The following KCNK2 variants were observed in gnomAD, a reference collection of about 807,000 sequenced individuals.
KCNK2 encodes potassium two pore domain channel subfamily K member 2.
A neutral mutation model predicts 40.5 loss-of-function variants in KCNK2; 21 were observed. The observed-to-expected ratio is 0.52, with a 90% CI of 0.37 to 0.75. KCNK2 has a LOEUF of 0.75. KCNK2 is among the 30% of genes least tolerant of loss of function. The probability of loss-of-function intolerance (pLI) is 0.00; values close to 1 mark genes in which losing one functional copy is unlikely to be tolerated. For synonymous variants in KCNK2, 191 were observed against 202.2 expected (o/e 0.94, Z 0.47); for missense variants, 399 against 531.6 (o/e 0.75, Z 2.45).
In KCNK2 at chr1:215,028,248, G is replaced by A. The variant is rs564949572; in HGVS notation, c.34+22293G>A. Among the ~76,000 whole-genome samples the A allele has an allele frequency of 1.1e-4, 17 of 152,128 alleles. No homozygotes were observed. The East Asian group carries it at 3.3e-3, about 30-fold the overall frequency. ...CTAAAAATACAAAAATCAGCCGAGCGTGGTGGCGGGTCTGTAATCCCAGTT... is the reference window on the plus strand; with the variant it reads ...CTAAAAATACAAAAATCAGCCGAGCATGGTGGCGGGTCTGTAATCCCAGTT... On this transcript the variant is annotated intron_variant, in intron 1 of 6. Coordinates refer to the KCNK2 transcript ENST00000391895.
At chr1:215,223,161 C>G (rs1666247512) in intron 6 of KCNK2, among the ~76,000 whole-genome samples, 4 of 143,896 alleles carry the variant, frequency 2.8e-5, no homozygotes. Flanking sequence ...GCTTCAGATT[C>G]TTTTGAAGCC....
chr1:215,175,714 T>C (rs1009976965), intron 5 of KCNK2, among the ~76,000 whole-genome samples: 3 of 152,056 alleles, frequency 2.0e-5, no homozygotes, highest in Non-Finnish European at 2.9e-5. Flanking sequence ...TGAGTACCCA[T>C]TGTTTAGCTC....
intron 3 of KCNK2, among the ~76,000 whole-genome samples, chr1:215,128,462 T>A (rs1281428699): frequency 6.6e-6 from 1 of 152,182 alleles, no homozygotes; most frequent in Non-Finnish European, 1.5e-5. Flanking sequence ...CTGCTTGCAA[T>A]CTCATTTGGG....
chr1:215,120,285 A>G (rs925536151), intron 2 of KCNK2, among the ~76,000 whole-genome samples: 34 of 152,186 alleles, frequency 2.2e-4, no homozygotes, highest in African/African-American at 7.7e-4. Flanking sequence ...GCTATATTAA[A>G]TCAATTGCTA....
chr1:215,153,452 G>A (rs1662772477), intron 3 of KCNK2, among the ~76,000 whole-genome samples: 3 of 152,068 alleles, frequency 2.0e-5, no homozygotes. Context: ...TGATCAAAAA[G>A]AGTCCTGGTA....
chr1:215,190,677 T>C (rs1234139488), intron 5 of KCNK2, among the ~76,000 whole-genome samples: 1 of 152,164 alleles, frequency 6.6e-6, no homozygotes, highest in Non-Finnish European at 1.5e-5. Flanking sequence ...GTGATGGCAA[T>C]TGGATCATCA....
At chr1:215,150,680 A>T (rs115619374) in intron 3 of KCNK2, among the ~76,000 whole-genome samples, 4,551 of 152,152 alleles carry the variant, frequency 0.03, 92 homozygotes, top group South Asian at 0.059. Context: ...AAATATTATA[A>T]TGATGTTGTT....
chr1:215,221,642 G>T (rs930370562), intron 6 of KCNK2, among the ~76,000 whole-genome samples: 2 of 152,086 alleles, frequency 1.3e-5, no homozygotes, highest in African/African-American at 4.8e-5. Flanking sequence ...TTAGTAGGAG[G>T]TGGGGGAAAG....
At chr1:215,013,222 C>T (rs530976372) in intron 1 of KCNK2, among the ~76,000 whole-genome samples, 5 of 152,256 alleles carry the variant, frequency 3.3e-5, no homozygotes, top group Non-Finnish European at 5.9e-5. Context: ...ATTGTATTAA[C>T]ACAATCTGTT....
chr1:215,104,308 C>T (rs143253418), intron 2 of KCNK2, among the ~76,000 whole-genome samples: 1 of 152,142 alleles, frequency 6.6e-6, no homozygotes, highest in African/African-American at 2.4e-5. Flanking sequence ...AACTCTCCTC[C>T]TCCTAATGTC....
chr1:215,117,409 A>G (rs562931424), intron 2 of KCNK2, among the ~76,000 whole-genome samples: 2 of 152,222 alleles, frequency 1.3e-5, no homozygotes, highest in South Asian at 2.1e-4. Context: ...TGTATCCTTC[A>G]CTGTAGAACT....
intron 1 of KCNK2, among the ~76,000 whole-genome samples, chr1:215,044,790 A>AGTGT (rs1657688867): frequency 9.1e-6 from 1 of 110,336 alleles, no homozygotes; most frequent in Non-Finnish European, 1.9e-5. Flanking sequence ...CTTGGGGATA[A>AGTGT]GTGTATGTGT....
intron 3 of KCNK2, among the ~76,000 whole-genome samples, chr1:215,151,825 G>A (rs1321077889): frequency 1.3e-5 from 2 of 151,968 alleles, no homozygotes; most frequent in Non-Finnish European, 2.9e-5. Context: ...ATGTTGTAGT[G>A]TGGGGAATAA....
chr1:215,053,533 T>C (rs1658059317), intron 1 of KCNK2, among the ~76,000 whole-genome samples: 1 of 152,192 alleles, frequency 6.6e-6, no homozygotes, highest in African/African-American at 2.4e-5. Flanking sequence ...ATATTGAATG[T>C]TTTTCTGAAC....
At chr1:215,085,375 C>T (rs1558083408) in intron 1 of KCNK2, among the ~76,000 whole-genome samples, 1 of 151,966 alleles carries the variant, frequency 6.6e-6, no homozygotes, top group Non-Finnish European at 1.5e-5. Context: ...GTTTTATTTT[C>T]CTCTTAGCAA....
intron 3 of KCNK2, among the ~76,000 whole-genome samples, chr1:215,141,800 T>C (rs1662184899): frequency 6.6e-6 from 1 of 152,092 alleles, no homozygotes; most frequent in Non-Finnish European, 1.5e-5. Flanking sequence ...AACTGCTGTT[T>C]TCATTTTTTA....
intron 1 of KCNK2, among the ~76,000 whole-genome samples, chr1:215,010,860 TTTTTTTTTTGTGTGTGTG>T (rs1169209459): frequency 8.6e-6 from 1 of 116,042 alleles, no homozygotes; most frequent in Non-Finnish European, 1.8e-5. Context: ...GATTTTTTTT[TTTTTTTTTTGTGTGTGTG>T]TGTGTGTGTG....
rs1047255297 is a variant in KCNK2 at position 215,086,725 on chromosome 1, T to C, written c.357+47T>C. The C allele has an allele frequency of 7.1e-6, 11 of 1,543,090 alleles. No individual in the cohort carries two copies. The Admixed American group carries it at 1.5e-4, about 22-fold the overall frequency. On this transcript the variant is annotated intron_variant, in intron 2 of 6. Coordinates refer to ENST00000444842, the MANE Select transcript of KCNK2 (RefSeq NM_001017425.3). ...TTACTCTGTTCCCCCAAATGGGAAA[T>C]AAAGTGATAGGAGGAGACAACTTGT... is the stretch of plus-strand genomic sequence containing the variant.
intron 6 of KCNK2, among the ~76,000 whole-genome samples, chr1:215,222,738 T>TC (rs1428906795): frequency 1.3e-5 from 2 of 151,740 alleles, no homozygotes; most frequent in African/African-American, 4.8e-5. Flanking sequence ...TTTAGGCTTT[T>TC]TTTTTTTCTT....
Sources: allele counts gnomAD v4.1 joint callset (sites outside exome capture counted in the v4.1 genomes callset), GRCh38; gene constraint gnomAD v4.1.1; transcripts MANE v1.5; gene names NCBI Gene and HGNC (gene_info 2026-07-23, HGNC 2026-07-21).